The following LYZL4 variants were observed in gnomAD, a reference collection of about 807,000 sequenced individuals.
LYZL4 encodes lysozyme like 4, also known as lysozyme-like protein 4.
Under a neutral mutation model 17.6 loss-of-function variants are expected in LYZL4, and 13 were observed. The ratio of observed to expected loss-of-function variants is 0.74; its 90% CI spans 0.48 to 1.18. The LOEUF is 1.18. Ranked by LOEUF, LYZL4 falls within the 50% of genes most tolerant of loss-of-function variation. The pLI is 0.00. For missense variants in LYZL4, 174 were observed against 188.2 expected (o/e 0.92, Z 0.44); for synonymous variants, 64 against 67.7 (o/e 0.95, Z 0.27).
chr3:42,386,635 A>G, the LYZL4 span, among the ~76,000 whole-genome samples: 5 of 152,222 alleles, frequency 3.3e-5, no homozygotes, highest in Non-Finnish European at 7.3e-5. Context: ...AGAAGTAACA[A>G]AAAGTTAGAT....
In LYZL4 at chr3:42,405,238, C is replaced by T. The variant is rs1360607699; in HGVS notation, c.293-1114G>A. Among the ~76,000 whole-genome samples the T allele has an allele frequency of 7.2e-5, 11 of 152,254 alleles. No homozygotes were observed. The East Asian group carries it at 1.9e-3, about 27-fold the overall frequency. On this transcript the variant is annotated intron_variant, in intron 3 of 4. Transcript: ENST00000287748. ...TAATTTTTTGTATTTTTAGTAGAGA[C>T]GGGGTTTCACCGTGTTAGCCAGGAT...
chr3:42,390,018 G>A, the LYZL4 span, among the ~76,000 whole-genome samples: 13 of 152,258 alleles, frequency 8.5e-5, no homozygotes, highest in African/African-American at 3.1e-4. Flanking sequence ...CTCCCTCTGG[G>A]CAATACTTTA....
chr3:42,397,288 AC>A lies in LYZL4; in HGVS notation c.417del (p.Trp140GlyfsTer?), dbSNP rs1559453334. On this transcript the variant is annotated frameshift_variant, in exon 5 of 5. Coordinates refer to ENST00000287748, the MANE Select transcript of LYZL4 (RefSeq NM_144634.4). LOFTEE classifies it high-confidence loss of function. ...GGCTACAGCTTGCAACCATCCAGCC[AC>A]CGTGCCAGGGTATCGGAGTACTGGC... ...RYCQYSDTLA[R>X]WLDGCKL 1 of 1,570,148 alleles carries A rather than the reference AC, an allele frequency of 6.4e-7. No homozygotes were observed. The highest frequency in any genetic ancestry group is 2.4e-5 in the East Asian group (1 of 42,100).
intron 3 of LYZL4, among the ~76,000 whole-genome samples, chr3:42,406,491 A>G (rs1051073531): frequency 2.0e-5 from 3 of 150,734 alleles, no homozygotes; most frequent in African/African-American, 7.3e-5. Flanking sequence ...GAAAGAAAGA[A>G]AAAGGGAGAG....
the LYZL4 span, among the ~76,000 whole-genome samples, chr3:42,382,915 A>C: frequency 6.6e-6 from 1 of 152,016 alleles, no homozygotes; most frequent in African/African-American, 2.4e-5. Context: ...AGTTGCCCCT[A>C]GGCGGCCTCA....
downstream of LYZL4, among the ~76,000 whole-genome samples, chr3:42,392,611 C>A (rs953146214): frequency 1.3e-5 from 2 of 151,950 alleles, no homozygotes; most frequent in Admixed American, 6.6e-5. Flanking sequence ...GTGAGTATGT[C>A]GGAGGGAAGA....
downstream of LYZL4, among the ~76,000 whole-genome samples, chr3:42,393,266 T>C (rs1698511330): frequency 6.6e-6 from 1 of 152,042 alleles, no homozygotes. Context: ...TGAGATGCAA[T>C]CTTCTTACTC....
chr3:42,368,467 T>G, the LYZL4 span, among the ~76,000 whole-genome samples: 12 of 152,216 alleles, frequency 7.9e-5, no homozygotes, highest in African/African-American at 2.9e-4. Flanking sequence ...TCTTTTTCAC[T>G]TACAAAATGA....
chr3:42,390,301 A>G, the LYZL4 span, among the ~76,000 whole-genome samples: 1 of 152,160 alleles, frequency 6.6e-6, no homozygotes, highest in South Asian at 2.1e-4. Flanking sequence ...GATGGACAAG[A>G]TGAGCTATAG....
downstream of LYZL4, among the ~76,000 whole-genome samples, chr3:42,394,997 G>A (rs1301278740): frequency 1.3e-5 from 2 of 152,166 alleles, no homozygotes; most frequent in Non-Finnish European, 2.9e-5. Flanking sequence ...GTTGATCAAA[G>A]CTTCACATTG....
intron 4 of LYZL4, among the ~76,000 whole-genome samples, chr3:42,398,135 T>C (rs1433128696): frequency 6.6e-6 from 1 of 152,168 alleles, no homozygotes; most frequent in African/African-American, 2.4e-5. Context: ...ACACAGGTAT[T>C]TTCAGAAATC....
the LYZL4 span, among the ~76,000 whole-genome samples, chr3:42,387,276 C>T: frequency 6.6e-6 from 1 of 152,186 alleles, no homozygotes; most frequent in East Asian, 1.9e-4. Flanking sequence ...AGTCATAGAG[C>T]TGGAATCCAA....
chr3:42,406,548 C>T lies in LYZL4; in HGVS notation c.292+298G>A, dbSNP rs564413004. Among the ~76,000 whole-genome samples, 51 of 152,148 alleles carry T rather than the reference C, an allele frequency of 3.4e-4. 2 individuals carry two copies. The South Asian group carries it at 1.0e-2, about 30-fold the overall frequency. On this transcript the variant is annotated intron_variant, in intron 3 of 4. Transcript: ENST00000287748. ...CAGGCCAGCTGGTGCCCTCTGCTCC[C>T]GCCCTTCAGGCTCTGATGCCTGCAG...
chr3:42,375,307 A>G, the LYZL4 span, among the ~76,000 whole-genome samples: 1 of 152,156 alleles, frequency 6.6e-6, no homozygotes, highest in African/African-American at 2.4e-5. Flanking sequence ...TGTTATTGTG[A>G]CATCCAGCAA....
At chr3:42,404,557 A>G (rs1168123829) in intron 3 of LYZL4, among the ~76,000 whole-genome samples, 1 of 152,136 alleles carries the variant, frequency 6.6e-6, no homozygotes, top group Non-Finnish European at 1.5e-5. Flanking sequence ...GTTTTTCAGG[A>G]TATATAGTCC....
chr3:42,396,988 C>A, downstream of LYZL4: 1 of 266,938 alleles, frequency 3.7e-6, no homozygotes, highest in Non-Finnish European at 7.2e-6. Context: ...CCTTCAATTC[C>A]TCCATATGAG....
the LYZL4 span, among the ~76,000 whole-genome samples, chr3:42,362,706 T>C: frequency 6.6e-6 from 1 of 152,164 alleles, no homozygotes; most frequent in Non-Finnish European, 1.5e-5. Flanking sequence ...TACCATTACA[T>C]TGGGAATTAG....
the LYZL4 span, among the ~76,000 whole-genome samples, chr3:42,373,563 G>A: frequency 3.9e-5 from 6 of 152,166 alleles, no homozygotes; most frequent in African/African-American, 1.4e-4. Context: ...GCATGTGTGT[G>A]TGCAGGTCCT....
At chr3:42,403,955 C>T (rs1326590805) in intron 4 of LYZL4, 91 bp downstream of exon 4, 3 of 921,192 alleles carry the variant, frequency 3.3e-6, no homozygotes, top group Non-Finnish European at 3.4e-6. Context: ...TGGCACTGCA[C>T]GTGCGCAACA....
Sources: gnomAD v4.1 joint callset for allele counts (sites outside exome capture counted in the v4.1 genomes callset) on GRCh38, gnomAD v4.1.1 for gene constraint, MANE v1.5 for transcripts, NCBI Gene and HGNC (gene_info 2026-07-23, HGNC 2026-07-21) for gene names.